The following GABRA4 variants were observed in gnomAD, a reference collection of about 807,000 sequenced individuals.
GABRA4 encodes gamma-aminobutyric acid receptor subunit alpha-4.
Under a neutral mutation model 49.7 loss-of-function variants are expected in GABRA4, and 12 were observed. That is an observed-to-expected ratio of 0.24 (90% confidence interval 0.15 to 0.39). The LOEUF (loss-of-function observed/expected upper bound fraction) is 0.39, where lower values mean the gene tolerates loss of function less well. Ranked by LOEUF, GABRA4 falls within the 10% of genes least tolerant of loss-of-function variation. The pLI is 1.00. For synonymous variants in GABRA4, 288 were observed against 240.2 expected, an observed-to-expected ratio of 1.20 and a Z score of -1.84; for missense variants, 506 against 686.0, an observed-to-expected ratio of 0.74 and a Z score of 2.93.
At chr4:46,932,091 C>T (rs1011769371) in intron 8 of GABRA4, among the ~76,000 whole-genome samples, 5 of 152,052 alleles carry the variant, frequency 3.3e-5, no homozygotes, top group South Asian at 2.1e-4. Flanking sequence ...CTCGTGAGGG[C>T]GGAAGTTCCT....
Position 46,923,534 on chromosome 4 carries a change from A to G in GABRA4, c.*4691T>C, listed in dbSNP as rs1721109756. 6.6e-6 allele frequency: 1 copy of G among 152,084 alleles called. No homozygotes were observed. Among genetic ancestry groups the G allele is most frequent in the Non-Finnish European group, 1.5e-5 (1 of 67,992 alleles). 9.4% of individuals were successfully genotyped at this position (152,084 alleles called of 1,614,324 possible). A position where few individuals can be genotyped will look rare whatever the true frequency, so the allele number is the denominator to read the frequency against. ...TAAGTTTCTACAATGTCTATCTTTA[A>G]CAGTCATGTATCACTTTTACAAATG... On this transcript the variant is annotated 3_prime_UTR_variant, in exon 9 of 9. Coordinates refer to ENST00000264318, the MANE Select transcript of GABRA4 (RefSeq NM_000809.4).
intron 8 of GABRA4, among the ~76,000 whole-genome samples, chr4:46,947,727 G>A (rs562823974): frequency 1.5e-4 from 23 of 152,182 alleles, no homozygotes; most frequent in African/African-American, 5.1e-4. Context: ...GCAAGAGGCA[G>A]AGTCATTATT....
chr4:46,958,686 A>G (rs183175971), intron 8 of GABRA4, among the ~76,000 whole-genome samples: 9 of 152,022 alleles, frequency 5.9e-5, no homozygotes, highest in Non-Finnish European at 1.2e-4. Flanking sequence ...CAAGCTACCC[A>G]TAGATGCTTT....
chr4:46,963,780 C>G (rs1722657403), intron 8 of GABRA4, among the ~76,000 whole-genome samples: 1 of 151,840 alleles, frequency 6.6e-6, no homozygotes, highest in South Asian at 2.1e-4. Context: ...GGTAAAATAG[C>G]TTATATCCAA....
intron 8 of GABRA4, among the ~76,000 whole-genome samples, chr4:46,964,706 C>T (rs2109374908): frequency 6.6e-6 from 1 of 151,868 alleles, no homozygotes; most frequent in Middle Eastern, 3.4e-3. Flanking sequence ...TTGCCCCTTT[C>T]TGTAAAAAAA....
chr4:46,959,550 C>T (rs915678670), intron 8 of GABRA4, among the ~76,000 whole-genome samples: 1 of 151,690 alleles, frequency 6.6e-6, no homozygotes, highest in African/African-American at 2.4e-5. Context: ...TCAGAATGAA[C>T]TTAGCCAATG....
At chr4:46,931,380 C>T (rs376274310) in intron 8 of GABRA4, among the ~76,000 whole-genome samples, 4 of 152,056 alleles carry the variant, frequency 2.6e-5, no homozygotes, top group African/African-American at 9.7e-5. Context: ...AAGGATCAAA[C>T]TGACTCTAAG....
intron 8 of GABRA4, among the ~76,000 whole-genome samples, chr4:46,961,675 T>C (rs902576697): frequency 1.3e-5 from 2 of 151,890 alleles, no homozygotes; most frequent in Non-Finnish European, 2.9e-5. Context: ...ACGTGTTGAT[T>C]TGGGTATATG....
intron 2 of GABRA4, among the ~76,000 whole-genome samples, chr4:46,979,770 G>A (rs1341401217): frequency 6.6e-6 from 1 of 152,188 alleles, no homozygotes. Flanking sequence ...GAAATAAGAT[G>A]CTCAGCAAAA....
At chr4:46,936,685 A>G (rs1721613529) in intron 8 of GABRA4, among the ~76,000 whole-genome samples, 1 of 152,224 alleles carries the variant, frequency 6.6e-6, no homozygotes, top group Admixed American at 6.5e-5. Flanking sequence ...ATGTATGAAA[A>G]GACATACCCA....
At chr4:46,989,665 G>A (rs1481296788) in intron 2 of GABRA4, among the ~76,000 whole-genome samples, 5 of 152,184 alleles carry the variant, frequency 3.3e-5, no homozygotes, top group Non-Finnish European at 4.4e-5. Context: ...GGCCTACTGA[G>A]CAATCACAAA....
intron 8 of GABRA4, among the ~76,000 whole-genome samples, chr4:46,959,786 A>G (rs1722502224): frequency 6.8e-6 from 1 of 146,714 alleles, no homozygotes; most frequent in Non-Finnish European, 1.5e-5. Flanking sequence ...AGAAAAGAAA[A>G]CTCTATCAAC....
At chr4:46,956,288 C>G (rs1722358486) in intron 8 of GABRA4, among the ~76,000 whole-genome samples, 1 of 151,970 alleles carries the variant, frequency 6.6e-6, no homozygotes, top group Admixed American at 6.6e-5. Context: ...TGCCTCATGT[C>G]CCTTTTCAAA....
At chr4:46,949,746 A>G (rs928259737) in intron 8 of GABRA4, among the ~76,000 whole-genome samples, 2 of 152,142 alleles carry the variant, frequency 1.3e-5, no homozygotes, top group Non-Finnish European at 1.5e-5. Context: ...TGCAAAAATG[A>G]ATGATTTATT....
intron 8 of GABRA4, among the ~76,000 whole-genome samples, chr4:46,934,372 T>C (rs1018388286): frequency 1.3e-5 from 2 of 152,124 alleles, no homozygotes; most frequent in African/African-American, 4.8e-5. Flanking sequence ...TACTGAGAAA[T>C]ATCAACAGCA....
At chr4:46,947,041 A>G (rs1722006473) in intron 8 of GABRA4, among the ~76,000 whole-genome samples, 1 of 151,894 alleles carries the variant, frequency 6.6e-6, no homozygotes, top group African/African-American at 2.4e-5. Context: ...TTGTTTCCAT[A>G]GGAAACAGTG....
chr4:46,948,135 T>C (rs184353148), intron 8 of GABRA4, among the ~76,000 whole-genome samples: 5 of 152,286 alleles, frequency 3.3e-5, no homozygotes, highest in Admixed American at 2.6e-4. Context: ...TTTTGGCTAA[T>C]GTCTCTATTT....
In GABRA4 at chr4:46,919,486, A is replaced by C. The variant is rs1326469726; in HGVS notation, c.*8739T>G. ...ACCTCTATCTCCTATCAAACCTTGA[A>C]CTGTTATAAATATCACACTTTATAT... On this transcript the variant is annotated 3_prime_UTR_variant, in exon 9 of 9. Coordinates refer to ENST00000264318, the MANE Select transcript of GABRA4 (RefSeq NM_000809.4). 1 of 151,550 alleles carries C rather than the reference A, an allele frequency of 6.6e-6. No homozygotes were observed. Among genetic ancestry groups the C allele is most frequent in the African/African-American group, 2.4e-5 (1 of 41,400 alleles). 9.4% of individuals were successfully genotyped at this position (151,550 alleles called of 1,614,324 possible).
chr4:46,971,732 C>A (rs1167850285), intron 6 of GABRA4, among the ~76,000 whole-genome samples: 1 of 150,632 alleles, frequency 6.6e-6, no homozygotes, highest in Non-Finnish European at 1.5e-5. Flanking sequence ...ATTTAAATTT[C>A]ATTCATATAT....
Sources: gnomAD v4.1 joint callset for allele counts (sites outside exome capture counted in the v4.1 genomes callset) on GRCh38, gnomAD v4.1.1 for gene constraint, MANE v1.5 for transcripts, NCBI Gene and HGNC (gene_info 2026-07-23, HGNC 2026-07-21) for gene names.